ZSCAN5A: variants seen among roughly 807,000 people sequenced by gnomAD.
ZSCAN5A encodes the protein zinc finger and SCAN domain containing 5A.
ZSCAN5A carries 12 observed loss-of-function variants against 23.7 expected under a neutral mutation model. The ratio of observed to expected loss-of-function variants is 0.51; its 90% CI spans 0.32 to 0.82. ZSCAN5A has a LOEUF of 0.82. Ranked by LOEUF, ZSCAN5A falls within the 40% of genes least tolerant of loss-of-function variation. ZSCAN5A has a pLI of 0.03. For missense variants in ZSCAN5A, 597 were observed against 617.9 expected (o/e 0.97, Z 0.36); for synonymous variants, 257 against 239.9 (o/e 1.07, Z -0.66).
At chr19:56,270,342 C>A (rs2037761503) in intron 2 of ZSCAN5A, among the ~76,000 whole-genome samples, 1 of 152,094 alleles carries the variant, frequency 6.6e-6, no homozygotes, top group African/African-American at 2.4e-5. Flanking sequence ...CGTTTGAACC[C>A]AGGAGGCGGA....
chr19:56,228,330 T>A, intron 2 of ZSCAN5A: 1 of 985,284 alleles, frequency 1.0e-6, no homozygotes, highest in Non-Finnish European at 1.2e-6. Context: ...CTGCGTCTAT[T>A]TATGGAGAAG....
chr19:56,246,114 G>C (rs1449833779), intron 2 of ZSCAN5A, among the ~76,000 whole-genome samples: 1 of 152,200 alleles, frequency 6.6e-6, no homozygotes, highest in African/African-American at 2.4e-5. Flanking sequence ...TTTAGAATAT[G>C]GAGGGTGCAG....
At chr19:56,282,374 C>A (rs1306046109) in intron 2 of ZSCAN5A, 3 of 479,820 alleles carry the variant, frequency 6.3e-6, no homozygotes, top group South Asian at 8.8e-5. Context: ...CTATGGGGTG[C>A]AATGAGGTAC....
chr19:56,323,795 C>T (rs1012581754), intron 2 of ZSCAN5A, among the ~76,000 whole-genome samples: 1 of 152,042 alleles, frequency 6.6e-6, no homozygotes, highest in African/African-American at 2.4e-5. Flanking sequence ...CTCAGCCTCC[C>T]AAAGTGCTGG....
intron 2 of ZSCAN5A, chr19:56,301,836 A>G (rs2040253980): frequency 9.2e-7 from 1 of 1,092,682 alleles, no homozygotes; most frequent in East Asian, 3.2e-5. Flanking sequence ...GTGGGTGTGG[A>G]CCAAAATTTC....
chr19:56,321,379 T>C, intron 2 of ZSCAN5A: 1 of 643,810 alleles, frequency 1.6e-6, no homozygotes, highest in South Asian at 1.7e-5. Context: ...AGCAGTTGGC[T>C]GGCAGATAGC....
intron 2 of ZSCAN5A, among the ~76,000 whole-genome samples, chr19:56,337,326 C>T (rs1056802869): frequency 6.6e-6 from 1 of 152,226 alleles, no homozygotes; most frequent in Non-Finnish European, 1.5e-5. Flanking sequence ...GCAGTTTGAT[C>T]TCAGACTGCT....
intron 2 of ZSCAN5A, among the ~76,000 whole-genome samples, chr19:56,277,770 G>A (rs1007736940): frequency 1.3e-5 from 2 of 152,054 alleles, no homozygotes; most frequent in East Asian, 3.8e-4. Flanking sequence ...GGGTGGCAGG[G>A]AGGTGAGGGA....
intron 2 of ZSCAN5A, among the ~76,000 whole-genome samples, chr19:56,324,874 A>G (rs1384909455): frequency 6.6e-6 from 1 of 152,236 alleles, no homozygotes; most frequent in Non-Finnish European, 1.5e-5. Context: ...ATTCCTATAC[A>G]TTAGTTATTG....
intron 2 of ZSCAN5A, chr19:56,303,073 G>C: frequency 2.5e-6 from 1 of 393,038 alleles, no homozygotes; most frequent in Non-Finnish European, 4.5e-6. Context: ...CACCTCTGCT[G>C]TGGGTTAAGG....
At chr19:56,286,730 G>A (rs1156405855) in intron 2 of ZSCAN5A, 2 of 152,158 alleles carry the variant, frequency 1.3e-5, no homozygotes, top group African/African-American at 4.8e-5. Context: ...AAGAGAATTG[G>A]AGAGAGAAAA....
chr19:56,319,266 G>C (rs1406542962), upstream of ZSCAN5A, among the ~76,000 whole-genome samples: 2 of 152,072 alleles, frequency 1.3e-5, no homozygotes, highest in Non-Finnish European at 2.9e-5. Flanking sequence ...GGGAGGCTGA[G>C]GTGGGTGGAT....
At chr19:56,302,900 C>T (rs1407926203) in intron 2 of ZSCAN5A, 8 of 398,468 alleles carry the variant, frequency 2.0e-5, no homozygotes, top group Non-Finnish European at 3.5e-5. Flanking sequence ...GGTTGAGCTA[C>T]CTTCAAGAAG....
intron 2 of ZSCAN5A, among the ~76,000 whole-genome samples, chr19:56,293,628 T>C (rs1248183419): frequency 1.3e-5 from 2 of 152,166 alleles, no homozygotes; most frequent in Non-Finnish European, 2.9e-5. Context: ...ATGCACATAA[T>C]AGTTCCAGCC....
At chr19:56,281,853 G>A (rs61619986) in intron 2 of ZSCAN5A, among the ~76,000 whole-genome samples, 3 of 152,232 alleles carry the variant, frequency 2.0e-5, no homozygotes, top group African/African-American at 7.2e-5. Context: ...TCTTCACCCA[G>A]AATCTGCAGA....
chr19:56,336,771 G>A (rs1363295238), intron 2 of ZSCAN5A, among the ~76,000 whole-genome samples: 5 of 152,156 alleles, frequency 3.3e-5, no homozygotes, highest in African/African-American at 4.8e-5. Context: ...TGGTGTGGAT[G>A]TCCTTTCTGT....
rs149266214 is a variant in ZSCAN5A at position 56,261,475 on chromosome 19, T to C, written c.-127-36302A>G. 2.0e-3 allele frequency among the ~76,000 whole-genome samples: 306 copies of C among 152,266 alleles called. 1 individual carries two copies. Among genetic ancestry groups the C allele is most frequent in the African/African-American group, 7.1e-3 (294 of 41,540 alleles). ...CCCAAGCATGGCCCCCACTGGTGAA[T>C]GAAACCTAATTTTCTTTAGAGAGAA... On this transcript the variant is annotated intron_variant, in intron 2 of 5. Transcript: ENST00000683990.
intron 2 of ZSCAN5A, among the ~76,000 whole-genome samples, chr19:56,250,926 A>G (rs141073893): frequency 0.013 from 1,989 of 152,250 alleles, 40 homozygotes; most frequent in African/African-American, 0.042. Flanking sequence ...CAAGGCAGGC[A>G]GATCACGAGG....
chr19:56,266,085 T>C (rs977774973), intron 2 of ZSCAN5A: 8 of 152,190 alleles, frequency 5.3e-5, no homozygotes, highest in African/African-American at 1.9e-4. Flanking sequence ...TTTGTTGACT[T>C]TGGGCAAAGT....
Sources: gnomAD v4.1 joint callset for allele counts (sites outside exome capture counted in the v4.1 genomes callset) on GRCh38, gnomAD v4.1.1 for gene constraint, MANE v1.5 for transcripts, NCBI Gene and HGNC (gene_info 2026-07-23, HGNC 2026-07-21) for gene names.